SPATA1: variants seen among roughly 807,000 people sequenced by gnomAD.
SPATA1 encodes the protein spermatogenesis associated 1.
Under a neutral mutation model 59.6 loss-of-function variants are expected in SPATA1, and 57 were observed. That is an observed-to-expected ratio of 0.96 (90% CI 0.77 to 1.19). The LOEUF (loss-of-function observed/expected upper bound fraction) is 1.19. SPATA1 is among the 50% of genes most tolerant of loss of function. SPATA1 has a pLI of 0.00. For missense variants in SPATA1, 448 were observed against 480.7 expected, an observed-to-expected ratio of 0.93 and a Z score of 0.64; for synonymous variants, 147 against 163.9, an observed-to-expected ratio of 0.90 and a Z score of 0.79.
At chr1:84,506,551 C>G (rs528687631) in intron 1 of SPATA1, 133 bp downstream of exon 1, 1 of 154,328 alleles carries the variant, frequency 6.5e-6, no homozygotes, top group East Asian at 1.9e-4. Flanking sequence ...AGTTTTCCTC[C>G]CAGTTTGTGG....
chr1:84,548,316 T>C (rs1440275893), intron 10 of SPATA1, among the ~76,000 whole-genome samples: 1 of 151,696 alleles, frequency 6.6e-6, no homozygotes. Flanking sequence ...TTTGTTAAAC[T>C]GGTAGTGTTT....
downstream of SPATA1, among the ~76,000 whole-genome samples, chr1:84,567,063 T>G (rs1684714213): frequency 1.3e-5 from 2 of 152,120 alleles, no homozygotes; most frequent in African/African-American, 4.8e-5. Context: ...AAGGTTGTTT[T>G]CCCCCCTTAA....
chr1:84,532,330 T>C (rs1282914368), intron 6 of SPATA1, among the ~76,000 whole-genome samples: 3 of 152,108 alleles, frequency 2.0e-5, no homozygotes, highest in East Asian at 1.9e-4. Flanking sequence ...ACCCTGTCTA[T>C]ACTAAAAATA....
At chr1:84,546,555 T>G (rs1201750242) in intron 10 of SPATA1, among the ~76,000 whole-genome samples, 1 of 151,864 alleles carries the variant, frequency 6.6e-6, no homozygotes, top group Non-Finnish European at 1.5e-5. Flanking sequence ...CTAAATTAGA[T>G]GGAAGAGATC....
intron 8 of SPATA1, among the ~76,000 whole-genome samples, chr1:84,536,665 T>A (rs1383560462): frequency 1.3e-5 from 2 of 151,976 alleles, no homozygotes; most frequent in African/African-American, 4.8e-5. Context: ...AGGATGGTCT[T>A]GATCTCCTGA....
chr1:84,524,211 G>A (rs1683133334), intron 4 of SPATA1, among the ~76,000 whole-genome samples: 2 of 152,118 alleles, frequency 1.3e-5, no homozygotes, highest in South Asian at 2.1e-4. Flanking sequence ...AGCTTTCTGA[G>A]CAGAGAAAAT....
intron 8 of SPATA1, among the ~76,000 whole-genome samples, chr1:84,537,372 C>T (rs1683740658): frequency 6.6e-6 from 1 of 152,138 alleles, no homozygotes; most frequent in African/African-American, 2.4e-5. Context: ...ATTGGATAAG[C>T]TTTGGATAGC....
At chr1:84,533,064 A>G in intron 7 of SPATA1, 90 bp downstream of exon 7, 1 of 811,442 alleles carries the variant, frequency 1.2e-6, no homozygotes. Flanking sequence ...AAAGACTTCT[A>G]CTTAAAGATA....
At chr1:84,534,099 G>A (rs981732990) in intron 8 of SPATA1, among the ~76,000 whole-genome samples, 4 of 151,932 alleles carry the variant, frequency 2.6e-5, no homozygotes, top group Admixed American at 1.3e-4. Flanking sequence ...TGATTAACTT[G>A]TCTCTTTAGA....
chr1:84,548,810 A>T, exon 11 of SPATA1: 1 of 1,352,664 alleles, frequency 7.4e-7, no homozygotes, highest in Non-Finnish European at 9.7e-7. Flanking sequence ...AAGAAAAAAT[A>T]CTTGGAAACA....
chr1:84,532,972 A>G, exon 7 of SPATA1: 1 of 1,547,508 alleles, frequency 6.5e-7, no homozygotes, highest in Non-Finnish European at 8.7e-7. Context: ...GCACTAAAAA[A>G]AGGTAATTAG....
chr1:84,519,968 T>C (rs1232954115), intron 2 of SPATA1: 1 of 152,190 alleles, frequency 6.6e-6, no homozygotes, highest in East Asian at 1.9e-4. Flanking sequence ...TTCTTCTAAA[T>C]AGAAGGATTC....
chr1:84,537,981 G>A (rs1219555286), intron 8 of SPATA1, among the ~76,000 whole-genome samples: 2 of 152,162 alleles, frequency 1.3e-5, no homozygotes, highest in Non-Finnish European at 1.5e-5. Context: ...AGTAGAGAGG[G>A]CCAAGTGAAA....
chr1:84,526,085 C>A lies in SPATA1; in HGVS notation c.544+12C>A. 2 of 1,590,300 alleles carry A rather than the reference C, an allele frequency of 1.3e-6. No individual in the cohort carries two copies. The highest frequency in any genetic ancestry group is 8.6e-7 in the Non-Finnish European group (1 of 1,166,224). On this transcript the variant is annotated intron_variant, in intron 6 of 12. Coordinates refer to ENST00000490879, the Ensembl canonical transcript of SPATA1. ...GAATCAGGAAGAAGGTGATTTTAAA[C>A]TGGAATGGGAAAAAGAAAGAGGCTA...
intron 6 of SPATA1, among the ~76,000 whole-genome samples, chr1:84,528,394 T>G (rs1683320852): frequency 6.6e-6 from 1 of 152,226 alleles, no homozygotes; most frequent in African/African-American, 2.4e-5. Flanking sequence ...TCTATGATTC[T>G]TTTGATCATA....
intron 2 of SPATA1, among the ~76,000 whole-genome samples, chr1:84,518,206 A>C (rs552265806): frequency 6.6e-6 from 1 of 152,298 alleles, no homozygotes; most frequent in Admixed American, 6.5e-5. Context: ...CTTCAAGATG[A>C]AAGTTTTAAA....
intron 8 of SPATA1, among the ~76,000 whole-genome samples, chr1:84,535,546 T>A (rs924523990): frequency 6.6e-6 from 1 of 152,140 alleles, no homozygotes; most frequent in African/African-American, 2.4e-5. Flanking sequence ...TGCTCTTATA[T>A]CTTAATATTA....
chr1:84,555,257 G>A, downstream of SPATA1: 1 of 1,332,830 alleles, frequency 7.5e-7, no homozygotes, highest in Non-Finnish European at 1.0e-6. Context: ...CAGCACCACA[G>A]GAAAGGGAAA....
At chr1:84,513,100 C>T (rs911393786) in intron 1 of SPATA1, among the ~76,000 whole-genome samples, 3 of 152,020 alleles carry the variant, frequency 2.0e-5, no homozygotes, top group African/African-American at 4.8e-5. Context: ...TCTAAGCATG[C>T]CTAAAGTTTT....
Sources: allele counts gnomAD v4.1 joint callset (sites outside exome capture counted in the v4.1 genomes callset), GRCh38; gene constraint gnomAD v4.1.1; transcripts MANE v1.5; gene names NCBI Gene and HGNC (gene_info 2026-07-23, HGNC 2026-07-21).